The following AP3B1 variants were observed in gnomAD, a reference collection of about 807,000 sequenced individuals.
AP3B1 encodes adaptor related protein complex 3 subunit beta 1, also known as AP-3 complex subunit beta-1.
A neutral mutation model predicts 132.5 loss-of-function variants in AP3B1; 61 were observed. The ratio of observed to expected loss-of-function variants is 0.46; its 90% CI spans 0.37 to 0.57. The LOEUF (loss-of-function observed/expected upper bound fraction) is 0.57, where lower values mean the gene tolerates loss of function less well. AP3B1 is among the 20% of genes least tolerant of loss of function. The probability of loss-of-function intolerance (pLI) is 0.00; values close to 1 mark genes in which losing one functional copy is unlikely to be tolerated. For synonymous variants in AP3B1, 388 were observed against 438.3 expected, an observed-to-expected ratio of 0.89 and a Z score of 1.43; for missense variants, 1,120 against 1,289.4, an observed-to-expected ratio of 0.87 and a Z score of 2.01.
At chr5:78,026,617 T>C (rs1552647) in intron 24 of AP3B1, among the ~76,000 whole-genome samples, 28,941 of 152,226 alleles carry the variant, frequency 0.19, 3,145 homozygotes, top group Admixed American at 0.28. Context: ...TTATAAACAA[T>C]GCTTATACTT....
At chr5:78,211,045 C>G (rs1745715081) in intron 7 of AP3B1, among the ~76,000 whole-genome samples, 1 of 152,044 alleles carries the variant, frequency 6.6e-6, no homozygotes, top group East Asian at 1.9e-4. Context: ...AATAAAAATG[C>G]AAATGTGCAT....
At chr5:78,213,535 A>G (rs1208948850) in intron 7 of AP3B1, among the ~76,000 whole-genome samples, 3 of 152,264 alleles carry the variant, frequency 2.0e-5, no homozygotes, top group Non-Finnish European at 2.9e-5. Context: ...GTACGTATGT[A>G]GACAAAAGCC....
At chr5:78,032,444 C>G (rs906357978) in intron 24 of AP3B1, among the ~76,000 whole-genome samples, 3 of 152,006 alleles carry the variant, frequency 2.0e-5, no homozygotes, top group Admixed American at 2.0e-4. Context: ...CATCACTAAG[C>G]AAAAAGTGCT....
rs1425634668 is a variant in AP3B1, at chr5:78,294,393, A to G, written c.128+59T>C. The G allele has an allele frequency of 8.7e-6, 14 of 1,610,718 alleles. No homozygotes were observed. In the Admixed American group the frequency reaches 1.7e-4, roughly 19 times the overall value. ...CTCCAGGAAGCCCACCCTGGCGCCC[A>G]CTCCTCCGAGTCCGCAGCTCCTCCC... On this transcript the variant is annotated intron_variant, in intron 1 of 26. Transcript: ENST00000255194.
intron 26 of AP3B1, among the ~76,000 whole-genome samples, 175 bp from the exon 27 acceptor site, chr5:78,003,230 C>T (rs945323225): frequency 2.0e-5 from 3 of 152,306 alleles, no homozygotes; most frequent in Non-Finnish European, 2.9e-5. Flanking sequence ...ATAAACTGTC[C>T]AGCCCATGCT....
At chr5:78,289,629 C>T (rs1749425647) in intron 1 of AP3B1, among the ~76,000 whole-genome samples, 1 of 152,192 alleles carries the variant, frequency 6.6e-6, no homozygotes, top group Non-Finnish European at 1.5e-5. Context: ...CCTTACTCTA[C>T]AACTCCTGAC....
At chr5:78,110,787 C>G (rs972096529) in intron 19 of AP3B1, among the ~76,000 whole-genome samples, 1 of 146,176 alleles carries the variant, frequency 6.8e-6, no homozygotes, top group East Asian at 2.0e-4. Context: ...TATATATATA[C>G]GTATATGAGA....
chr5:78,136,718 G>T (rs1320498218), intron 15 of AP3B1, among the ~76,000 whole-genome samples: 10 of 128,428 alleles, frequency 7.8e-5, no homozygotes, highest in African/African-American at 2.9e-4. Flanking sequence ...TTGTACTTCT[G>T]GTTTTTTTTT....
At chr5:78,153,403 G>A (rs2112351604) in intron 14 of AP3B1, among the ~76,000 whole-genome samples, 1 of 151,272 alleles carries the variant, frequency 6.6e-6, no homozygotes. Context: ...AGCATGGAAT[G>A]TCTTTTTCCA....
intron 2 of AP3B1, among the ~76,000 whole-genome samples, chr5:78,252,572 G>A (rs75188259): frequency 0.025 from 3,771 of 152,298 alleles, 163 homozygotes; most frequent in African/African-American, 0.083. Flanking sequence ...GGACTATGGG[G>A]GTACTCTGGC....
At position 78,181,682 on chromosome 5, in the gene AP3B1, A is replaced by G. The variant is rs1338793462; in HGVS notation, c.787-20T>C. ...ATCACCCTACAATGAAAGAAATCCA[A>G]CCCAAGATTACTTTAGACCTTGAGC... On this transcript the variant is annotated intron_variant, in intron 7 of 26. Coordinates refer to ENST00000255194, the MANE Select transcript of AP3B1 (RefSeq NM_003664.5). 1.2e-6 allele frequency: 2 copies of G among 1,608,478 alleles called. No homozygotes were observed. Among genetic ancestry groups the G allele is most frequent in the South Asian group, 2.2e-5 (2 of 90,296 alleles).
intron 22 of AP3B1, among the ~76,000 whole-genome samples, chr5:78,079,273 T>C (rs1749890107): frequency 6.6e-6 from 1 of 152,220 alleles, no homozygotes. Flanking sequence ...ACAATTTTCT[T>C]ATATAATTCC....
chr5:78,123,527 A>G (rs1580377907), intron 17 of AP3B1, among the ~76,000 whole-genome samples: 1 of 152,198 alleles, frequency 6.6e-6, no homozygotes, highest in African/African-American at 2.4e-5. Flanking sequence ...CCCATCAAAA[A>G]GTGGGCGAAG....
chr5:78,158,248 A>G (rs1453289634), intron 13 of AP3B1, among the ~76,000 whole-genome samples: 1 of 152,092 alleles, frequency 6.6e-6, no homozygotes, highest in Non-Finnish European at 1.5e-5. Flanking sequence ...GCTTGATCCC[A>G]GGAGTTTGAG....
chr5:78,208,612 T>C (rs888064412), intron 7 of AP3B1, among the ~76,000 whole-genome samples: 8 of 152,278 alleles, frequency 5.3e-5, no homozygotes, highest in African/African-American at 1.9e-4. Context: ...ATGTTGATTA[T>C]TTTTCATTAG....
At chr5:78,207,710 GA>G (rs201601408) in intron 7 of AP3B1, among the ~76,000 whole-genome samples, 1 of 149,126 alleles carries the variant, frequency 6.7e-6, no homozygotes, top group Non-Finnish European at 1.5e-5. Flanking sequence ...TTAGCATGCA[GA>G]AAAAAAAAAT....
intron 22 of AP3B1, among the ~76,000 whole-genome samples, chr5:78,083,109 G>A (rs931504093): frequency 7.9e-5 from 12 of 152,042 alleles, no homozygotes; most frequent in African/African-American, 2.7e-4. Context: ...GAGCCACCGC[G>A]CCCGGCCACG....
chr5:78,293,667 A>C (rs559438287), intron 1 of AP3B1, among the ~76,000 whole-genome samples: 3 of 152,280 alleles, frequency 2.0e-5, no homozygotes, highest in Admixed American at 6.5e-5. Flanking sequence ...AAATAAGAGA[A>C]ATGTAAAAAT....
chr5:78,158,900 G>C (rs1232689145), intron 13 of AP3B1, among the ~76,000 whole-genome samples: 3 of 152,096 alleles, frequency 2.0e-5, no homozygotes, highest in Non-Finnish European at 4.4e-5. Flanking sequence ...GTTTCGCCAT[G>C]TTGGGCAGGC....
Sources: gnomAD v4.1 joint callset for allele counts (sites outside exome capture counted in the v4.1 genomes callset) on GRCh38, gnomAD v4.1.1 for gene constraint, MANE v1.5 for transcripts, NCBI Gene and HGNC (gene_info 2026-07-23, HGNC 2026-07-21) for gene names.